CTNNA3: variants seen among roughly 807,000 people sequenced by gnomAD.
CTNNA3 encodes the protein catenin alpha 3, also known as catenin alpha-3.
A neutral mutation model predicts 95.7 loss-of-function variants in CTNNA3; 76 were observed. That is an observed-to-expected ratio of 0.79 (90% CI 0.66 to 0.96). CTNNA3 has a LOEUF of 0.96. CTNNA3 is among the 40% of genes least tolerant of loss of function. The probability of loss-of-function intolerance (pLI) is 0.00; values close to 1 mark genes in which losing one functional copy is unlikely to be tolerated. For synonymous variants in CTNNA3, 431 were observed against 374.4 expected (o/e 1.15, Z -1.74); for missense variants, 1,191 against 1,089.8 (o/e 1.09, Z -1.31).
rs1846085852 is a variant in CTNNA3, at chr10:67,430,820, T to TACACACACACACACATACAC, written c.579+91021_579+91022insGTGTATGTGTGTGTGTGTGT. On this transcript the variant is annotated intron_variant, in intron 5 of 17. Transcript: ENST00000433211. ...TGAATGAGCATGACTCAAACATAAC[T>TACACACACACACACATACAC]ACACACACACACACACACACACACA... 2.9e-5 allele frequency among the ~76,000 whole-genome samples: 4 copies of TACACACACACACACATACAC among 138,862 alleles called. No homozygotes were observed. The South Asian group carries it at 7.2e-4, about 25-fold the overall frequency. The allele number at this position is 138,862 out of a possible 152,430, so 91.1% of individuals were successfully genotyped here. A position where few individuals can be genotyped will look rare whatever the true frequency, so the allele number is the denominator to read the frequency against.
chr10:65,970,844 T>A (rs1199539096), intron 16 of CTNNA3, among the ~76,000 whole-genome samples: 2 of 151,240 alleles, frequency 1.3e-5, no homozygotes, highest in East Asian at 3.9e-4. Flanking sequence ...AATATGTATG[T>A]ACCCAACACT....
At chr10:67,729,351 A>G (rs190009325) in intron 1 of CTNNA3, among the ~76,000 whole-genome samples, 259 of 152,224 alleles carry the variant, frequency 1.7e-3, no homozygotes, top group Admixed American at 2.7e-3. Context: ...CTATTAACTT[A>G]TTTGTTAAAT....
At chr10:67,097,460 C>T (rs750378875) in intron 7 of CTNNA3, 2 of 730,190 alleles carry the variant, frequency 2.7e-6, no homozygotes, top group Non-Finnish European at 4.6e-6. Context: ...AATATAGGGA[C>T]ACCTGGGCCA....
intron 7 of CTNNA3, among the ~76,000 whole-genome samples, chr10:67,037,230 T>C (rs1292648131): frequency 2.6e-5 from 4 of 152,164 alleles, no homozygotes; most frequent in Non-Finnish European, 5.9e-5. Flanking sequence ...AATGTGTCAG[T>C]AAGCATCAGC....
chr10:67,559,183 T>A (rs572819725), intron 3 of CTNNA3, among the ~76,000 whole-genome samples: 1 of 152,302 alleles, frequency 6.6e-6, no homozygotes, highest in South Asian at 2.1e-4. Context: ...GCAGACTGCC[T>A]CCTCAAGTGG....
At chr10:66,692,944 A>C (rs1037354884) in intron 9 of CTNNA3, among the ~76,000 whole-genome samples, 19 of 152,184 alleles carry the variant, frequency 1.2e-4, no homozygotes, top group Non-Finnish European at 2.6e-4. Context: ...GCCTGCCCTA[A>C]AAGAGCTCCT....
chr10:66,122,787 G>A (rs1249053660), intron 13 of CTNNA3, among the ~76,000 whole-genome samples: 1 of 152,202 alleles, frequency 6.6e-6, no homozygotes, highest in East Asian at 1.9e-4. Context: ...ATGGATGGCA[G>A]CAGACAAAGA....
intron 1 of CTNNA3, among the ~76,000 whole-genome samples, chr10:67,670,853 T>A (rs1013818697): frequency 6.6e-6 from 1 of 152,234 alleles, no homozygotes; most frequent in African/African-American, 2.4e-5. Context: ...ATATGCTATA[T>A]ACGTCTACAA....
chr10:67,210,838 C>A (rs1864111090), intron 6 of CTNNA3, among the ~76,000 whole-genome samples: 1 of 152,168 alleles, frequency 6.6e-6, no homozygotes, highest in Non-Finnish European at 1.5e-5. Flanking sequence ...ACTCCTATTA[C>A]ACAATCCCTT....
At chr10:66,673,545 A>G (rs1452682974) in intron 9 of CTNNA3, among the ~76,000 whole-genome samples, 1 of 152,082 alleles carries the variant, frequency 6.6e-6, no homozygotes, top group Non-Finnish European at 1.5e-5. Context: ...TTTTAGTTTA[A>G]GATACAAAAC....
chr10:66,829,691 G>T (rs575210179), intron 7 of CTNNA3, among the ~76,000 whole-genome samples: 2 of 77,120 alleles, frequency 2.6e-5, no homozygotes, highest in East Asian at 5.4e-4. Flanking sequence ...TTAACATTTT[G>T]GAAAAAAAAA....
At chr10:66,928,868 G>GA (rs1647821293) in intron 7 of CTNNA3, among the ~76,000 whole-genome samples, 1 of 152,228 alleles carries the variant, frequency 6.6e-6, no homozygotes, top group Non-Finnish European at 1.5e-5. Flanking sequence ...GGAAAGAGGT[G>GA]AATGATTCCA....
chr10:66,964,471 T>C (rs145311048), intron 7 of CTNNA3, among the ~76,000 whole-genome samples: 30 of 152,320 alleles, frequency 2.0e-4, no homozygotes, highest in African/African-American at 7.2e-4. Flanking sequence ...CATCAGATGA[T>C]AACAATTGTA....
At chr10:66,304,886 A>G (rs7101241) in intron 12 of CTNNA3, among the ~76,000 whole-genome samples, 43,942 of 152,042 alleles carry the variant, frequency 0.29, 7,006 homozygotes, top group East Asian at 0.51. Flanking sequence ...ATTAGTAGTA[A>G]TATTTTAAGT....
intron 7 of CTNNA3, among the ~76,000 whole-genome samples, chr10:66,997,248 A>C (rs1466264218): frequency 1.3e-5 from 2 of 152,194 alleles, no homozygotes; most frequent in Non-Finnish European, 2.9e-5. Context: ...TCATAGGCAG[A>C]GGTCTTATAA....
At chr10:66,859,285 C>T (rs1368276331) in intron 7 of CTNNA3, among the ~76,000 whole-genome samples, 4 of 151,838 alleles carry the variant, frequency 2.6e-5, no homozygotes, top group Admixed American at 6.6e-5. Flanking sequence ...AGGCTAATAT[C>T]GAGAATCTAC....
chr10:67,639,393 C>A (rs1839442514), intron 2 of CTNNA3, among the ~76,000 whole-genome samples: 1 of 152,116 alleles, frequency 6.6e-6, no homozygotes, highest in Non-Finnish European at 1.5e-5. Flanking sequence ...AAGTCCAGGA[C>A]CAGACAGATT....
intron 15 of CTNNA3, among the ~76,000 whole-genome samples, chr10:66,050,588 T>G (rs1426925368): frequency 6.6e-6 from 1 of 152,140 alleles, no homozygotes; most frequent in Non-Finnish European, 1.5e-5. Flanking sequence ...AGGGCCACTA[T>G]GTCCGGCTCC....
chr10:67,687,304 A>G (rs1037088763), intron 1 of CTNNA3, among the ~76,000 whole-genome samples: 1 of 152,210 alleles, frequency 6.6e-6, no homozygotes, highest in African/African-American at 2.4e-5. Context: ...TCTGGCCCAG[A>G]GAACCATTGT....
Sources: allele counts gnomAD v4.1 joint callset (sites outside exome capture counted in the v4.1 genomes callset), GRCh38; gene constraint gnomAD v4.1.1; transcripts MANE v1.5; gene names NCBI Gene and HGNC (gene_info 2026-07-23, HGNC 2026-07-21).